MTCH2: variants seen among roughly 807,000 people sequenced by gnomAD.
The protein encoded by MTCH2 is mitochondrial carrier 2, also known as mitochondrial carrier homolog 2.
Under a neutral mutation model 50.6 loss-of-function variants are expected in MTCH2, and 25 were observed. The ratio of observed to expected loss-of-function variants is 0.49; its 90% confidence interval spans 0.36 to 0.69. MTCH2 has a LOEUF of 0.69. Ranked by LOEUF, MTCH2 falls within the 30% of genes least tolerant of loss-of-function variation. MTCH2 has a pLI of 0.00. For synonymous variants in MTCH2, 106 were observed against 132.0 expected (o/e 0.80, Z 1.35); for missense variants, 273 against 384.4 (o/e 0.71, Z 2.42).
the MTCH2 span, among the ~76,000 whole-genome samples, chr11:47,604,913 C>T: frequency 6.6e-6 from 1 of 151,998 alleles, no homozygotes; most frequent in Non-Finnish European, 1.5e-5. Flanking sequence ...AATATGTCTC[C>T]CATATTTTTC....
At chr11:47,620,366 T>C (rs957385965) in intron 12 of MTCH2, among the ~76,000 whole-genome samples, 2 of 151,838 alleles carry the variant, frequency 1.3e-5, no homozygotes, top group African/African-American at 4.8e-5. Context: ...CTACCTGGGA[T>C]GCTGAGGTGG....
chr11:47,612,471 G>A (rs537834891), downstream of MTCH2, among the ~76,000 whole-genome samples: 24 of 152,214 alleles, frequency 1.6e-4, no homozygotes, highest in South Asian at 3.5e-3. Flanking sequence ...GGGGGCTGAC[G>A]CAGAATGGTG....
chr11:47,609,048 T>TG, the MTCH2 span, among the ~76,000 whole-genome samples: 8 of 117,128 alleles, frequency 6.8e-5, no homozygotes, highest in Non-Finnish European at 1.2e-4. Context: ...TCCTTGAACT[T>TG]GGGGGGCGGA....
chr11:47,631,730 C>A lies in MTCH2; in HGVS notation c.370-19G>T. Reference sequence around the variant, plus strand: ...GAGTTGTCTAGAAACAATCAACACACACTTCTGAAATCTAAACAAATGACA... The same window carrying A: ...GAGTTGTCTAGAAACAATCAACACAAACTTCTGAAATCTAAACAAATGACA... On this transcript the variant is annotated intron_variant, in intron 5 of 12. Coordinates refer to ENST00000302503, the MANE Select transcript of MTCH2 (RefSeq NM_014342.4). 6.2e-7 allele frequency: 1 copy of A among 1,613,714 alleles called. No homozygotes were observed. The highest frequency in any genetic ancestry group is 8.5e-7 in the Non-Finnish European group (1 of 1,179,754).
chr11:47,640,707 G>A (rs902332442), intron 1 of MTCH2, among the ~76,000 whole-genome samples: 1 of 152,112 alleles, frequency 6.6e-6, no homozygotes, highest in African/African-American at 2.4e-5. Flanking sequence ...GTGAGCCACC[G>A]TGCCCGGCCC....
the MTCH2 span, among the ~76,000 whole-genome samples, chr11:47,609,633 A>G: frequency 1.6e-5 from 1 of 63,980 alleles, no homozygotes; most frequent in East Asian, 3.9e-4. Context: ...TCTCAAAAAA[A>G]AAAAAAAAAA....
At chr11:47,635,402 C>T in intron 4 of MTCH2, 143 bp downstream of exon 4, 1 of 879,422 alleles carries the variant, frequency 1.1e-6, no homozygotes, top group East Asian at 2.5e-5. Context: ...CAGAACTGTC[C>T]AAACTGGTGG....
chr11:47,609,122 C>T, the MTCH2 span, among the ~76,000 whole-genome samples: 2 of 27,168 alleles, frequency 7.4e-5, no homozygotes, highest in African/African-American at 2.9e-4. Flanking sequence ...AAAACTCTGT[C>T]TCAAAAAAAA....
At chr11:47,636,526 GT>G (rs2097308724) in intron 3 of MTCH2, among the ~76,000 whole-genome samples, 1 of 150,266 alleles carries the variant, frequency 6.7e-6, no homozygotes, top group African/African-American at 2.5e-5. Context: ...GACGTCAGGA[GT>G]TTGAGAACAG....
At chr11:47,630,432 G>A (rs2097301974) in intron 8 of MTCH2, 123 bp downstream of exon 8, 4 of 843,550 alleles carry the variant, frequency 4.7e-6, no homozygotes, top group South Asian at 3.1e-5. Context: ...TAAATAGAAT[G>A]TAACGTGAGG....
chr11:47,616,059 A>G (rs1460300189), downstream of MTCH2, among the ~76,000 whole-genome samples: 1 of 152,082 alleles, frequency 6.6e-6, no homozygotes, highest in Admixed American at 6.6e-5. Flanking sequence ...CCTGGGTTCA[A>G]GCGATTCTCA....
At chr11:47,615,791 C>CGTGT (rs2097288060), downstream of MTCH2, among the ~76,000 whole-genome samples, 1 of 151,760 alleles carries the variant, frequency 6.6e-6, no homozygotes, top group Non-Finnish European at 1.5e-5. Flanking sequence ...CGCCACCACG[C>CGTGT]CTAATTTTTG....
downstream of MTCH2, chr11:47,617,219 G>A (rs1472911808): frequency 3.9e-5 from 6 of 152,110 alleles, no homozygotes; most frequent in African/African-American, 9.7e-5. Flanking sequence ...AAGCCTTGGC[G>A]TCCTCTGGTG....
the MTCH2 span, among the ~76,000 whole-genome samples, chr11:47,607,303 G>A: frequency 6.6e-6 from 1 of 152,182 alleles, no homozygotes; most frequent in African/African-American, 2.4e-5. Context: ...CGTGTCACAT[G>A]TTCTGGGTGA....
Position 47,637,715 on chromosome 11 carries a change from T to C in MTCH2, c.279+984A>G, listed in dbSNP as rs1037153436. On this transcript the variant is annotated intron_variant, in intron 3 of 12. Coordinates refer to ENST00000302503, the MANE Select transcript of MTCH2 (RefSeq NM_014342.4). ...TTATTATTTTCTAGCCATATCAGAT[T>C]TCAAAAATAGACAACATTTTCTCTT... Among the ~76,000 whole-genome samples, 5 of 152,296 alleles carry C rather than the reference T, an allele frequency of 3.3e-5. 1 individual carries two copies. The South Asian group carries it at 1.0e-3, about 32-fold the overall frequency.
At chr11:47,638,524 C>T (rs113113515) in intron 3 of MTCH2, among the ~76,000 whole-genome samples, 175 bp downstream of exon 3, 25 of 99,164 alleles carry the variant, frequency 2.5e-4, no homozygotes, top group African/African-American at 9.3e-4. Flanking sequence ...CCAGCCTGGG[C>T]GACAGAGTGA....
intron 12 of MTCH2, among the ~76,000 whole-genome samples, chr11:47,622,366 A>G (rs2153798562): frequency 6.6e-6 from 1 of 152,310 alleles, no homozygotes; most frequent in African/African-American, 2.4e-5. Context: ...GGGGAAAAAA[A>G]GAGTCTAAAA....
At chr11:47,629,195 T>G in intron 8 of MTCH2, 149 bp from the exon 9 acceptor site, 1 of 631,758 alleles carries the variant, frequency 1.6e-6, no homozygotes, top group Non-Finnish European at 2.8e-6. Context: ...CCAGCCCGCA[T>G]ACCTAGTTCA....
the MTCH2 span, among the ~76,000 whole-genome samples, chr11:47,612,242 C>G: frequency 6.6e-6 from 1 of 151,974 alleles, no homozygotes; most frequent in Non-Finnish European, 1.5e-5. Flanking sequence ...TATAGCAAAC[C>G]CTGTCTCTAC....
Sources: allele counts gnomAD v4.1 joint callset (sites outside exome capture counted in the v4.1 genomes callset), GRCh38; gene constraint gnomAD v4.1.1; transcripts MANE v1.5; gene names NCBI Gene and HGNC (gene_info 2026-07-23, HGNC 2026-07-21).